Variants in ITGAV observed in about 807,000 individuals in gnomAD.
ITGAV encodes integrin subunit alpha V, also known as integrin alpha-V.
Under a neutral mutation model 143.8 loss-of-function variants are expected in ITGAV, and 76 were observed. That is an observed-to-expected ratio of 0.53 (90% CI 0.44 to 0.64). The LOEUF (loss-of-function observed/expected upper bound fraction) is 0.64, where lower values mean the gene tolerates loss of function less well. Among genes scored for constraint, ITGAV ranks in the 30% least tolerant of loss-of-function variants. The pLI, the probability that ITGAV is intolerant of heterozygous loss-of-function variation, is 0.00. For missense variants in ITGAV, 1,193 were observed against 1,274.7 expected (o/e 0.94, Z 0.98); for synonymous variants, 453 against 446.7 (o/e 1.01, Z -0.18).
chr2:186,668,562 CAT>C, intron 24 of ITGAV, 198 bp from the exon 25 acceptor site: 2 of 503,296 alleles, frequency 4.0e-6, no homozygotes, highest in South Asian at 2.3e-5. Flanking sequence ...TATCCTGACA[CAT>C]ATTACTCTGT....
At position 186,636,417 on chromosome 2, in the gene ITGAV, GATA is replaced by G. The variant is rs370001658; in HGVS notation, c.757+220_757+222del. Among the ~76,000 whole-genome samples the G allele has an allele frequency of 2.4e-4, 37 of 152,276 alleles. No individual in the cohort carries two copies. The Middle Eastern group carries it at 0.01, about 42-fold the overall frequency. Reference sequence around the variant, plus strand: ...TGAAGACAGTGATTATTTGTGCAGTGATAATAATAATAGCTAGCCTTTAAGATA... The same window carrying G: ...TGAAGACAGTGATTATTTGTGCAGTGATAATAATAGCTAGCCTTTAAGATA... On this transcript the variant is annotated intron_variant, in intron 7 of 29. Coordinates refer to ENST00000261023, the MANE Select transcript of ITGAV (RefSeq NM_002210.5).
chr2:186,673,676 T>G (rs1332705138), intron 26 of ITGAV, among the ~76,000 whole-genome samples: 2 of 152,106 alleles, frequency 1.3e-5, no homozygotes, highest in African/African-American at 4.8e-5. Flanking sequence ...TTTATTTTAT[T>G]TCTTTTTCAG....
chr2:186,618,453 A>G (rs1467306990), intron 2 of ITGAV, among the ~76,000 whole-genome samples: 5 of 152,362 alleles, frequency 3.3e-5, no homozygotes, highest in African/African-American at 9.6e-5. Flanking sequence ...GCTAACCCTG[A>G]TGTCCACAAA....
At chr2:186,603,944 A>G (rs1686986468) in intron 2 of ITGAV, among the ~76,000 whole-genome samples, 1 of 150,502 alleles carries the variant, frequency 6.6e-6, no homozygotes, top group African/African-American at 2.5e-5. Flanking sequence ...GGCTCATTGC[A>G]GCCTCCACCT....
intron 21 of ITGAV, among the ~76,000 whole-genome samples, chr2:186,665,467 G>T (rs542008707): frequency 2.6e-5 from 4 of 152,300 alleles, no homozygotes; most frequent in African/African-American, 7.2e-5. Flanking sequence ...GAATGGATGA[G>T]AACGTGGTTT....
At chr2:186,649,524 G>A (rs554399512) in intron 13 of ITGAV, among the ~76,000 whole-genome samples, 11 of 152,036 alleles carry the variant, frequency 7.2e-5, no homozygotes, top group South Asian at 6.2e-4. Flanking sequence ...ATCCACAGGC[G>A]TCTATAAAGC....
At chr2:186,664,993 T>C in intron 20 of ITGAV, 133 bp from the exon 21 acceptor site, 1 of 641,746 alleles carries the variant, frequency 1.6e-6, no homozygotes, top group Non-Finnish European at 2.7e-6. Flanking sequence ...TGTACCCAAT[T>C]CTGGCTTTTT....
Position 186,646,814 on chromosome 2 carries a change from A to T in ITGAV, c.1288A>T (p.Met430Leu). Residue 430 changes from methionine (M) to leucine (L), a missense_variant, in exon 13 of 30, where the codon ATG (methionine) becomes TTG (leucine). Physicochemically the swap from Met to Leu is conservative, Grantham distance 15. Transcript: ENST00000261023. The stretch of plus-strand genomic sequence containing the variant: ...TGAAGGGCAGTGGGCTGCTCGAAGC[A>T]TGCCACCAAGCTTTGGCTATTCAAT... The part of the protein sequence containing the change: ...ILEGQWAARS[M>L]PPSFGYSMKG... 6.2e-7 allele frequency: 1 copy of T among 1,611,808 alleles called. No homozygotes were observed. The highest frequency in any genetic ancestry group is 2.2e-5 in the East Asian group (1 of 44,822).
intron 19 of ITGAV, 146 bp downstream of exon 19, chr2:186,663,981 T>G: frequency 1.7e-6 from 1 of 605,520 alleles, no homozygotes; most frequent in South Asian, 2.2e-5. Context: ...CTATCAATAT[T>G]GAGCTTCTAA....
intron 2 of ITGAV, among the ~76,000 whole-genome samples, chr2:186,608,639 T>A (rs973540854): frequency 6.6e-6 from 1 of 152,092 alleles, no homozygotes; most frequent in African/African-American, 2.4e-5. Flanking sequence ...TTCTTACTGA[T>A]GTTATAGTAT....
At chr2:186,596,714 T>A (rs1686759303) in intron 1 of ITGAV, among the ~76,000 whole-genome samples, 2 of 152,124 alleles carry the variant, frequency 1.3e-5, no homozygotes, top group Admixed American at 6.6e-5. Flanking sequence ...TGCTTTTTAT[T>A]CCTTAATTTT....
intron 11 of ITGAV, 118 bp downstream of exon 11, chr2:186,641,085 T>A (rs1688090150): frequency 2.4e-6 from 2 of 845,152 alleles, no homozygotes; most frequent in South Asian, 1.6e-5. Context: ...TCTTTCTGTT[T>A]AAGGAAACAA....
At chr2:186,666,664 G>T in intron 21 of ITGAV, 40 bp from the exon 22 acceptor site, 1 of 1,190,474 alleles carries the variant, frequency 8.4e-7, no homozygotes, top group South Asian at 1.8e-5. Flanking sequence ...TTGCTAATTA[G>T]ACATTGACTA....
chr2:186,637,802 C>T (rs2105706269), intron 8 of ITGAV, among the ~76,000 whole-genome samples: 1 of 152,276 alleles, frequency 6.6e-6, no homozygotes, highest in Admixed American at 6.5e-5. Flanking sequence ...ACCTTCTGGG[C>T]CATCTCTGTA....
rs779841892 is a variant in ITGAV, at chr2:186,646,889, T to C, written c.1351+12T>C. ...AAATGGATATCCAGGTGCTTTCTTA[T>C]CAACACATAGAGCCCTTAGATTTTT... On this transcript the variant is annotated intron_variant, in intron 13 of 29. Coordinates refer to ENST00000261023, the MANE Select transcript of ITGAV (RefSeq NM_002210.5). 1.9e-6 allele frequency: 3 copies of C among 1,559,144 alleles called. No homozygotes were observed. Among genetic ancestry groups the C allele is most frequent in the African/African-American group, 2.7e-5 (2 of 73,466 alleles).
intron 2 of ITGAV, among the ~76,000 whole-genome samples, chr2:186,621,021 C>A (rs1250133121): frequency 6.6e-6 from 1 of 151,982 alleles, no homozygotes; most frequent in Admixed American, 6.6e-5. Flanking sequence ...GAGGTCATTT[C>A]TTTATGGTGG....
At chr2:186,672,143 G>A (rs1305218233) in intron 26 of ITGAV, among the ~76,000 whole-genome samples, 2 of 151,740 alleles carry the variant, frequency 1.3e-5, no homozygotes, top group African/African-American at 2.4e-5. Context: ...TAGTAGAGAC[G>A]GGGTTTCACC....
In ITGAV at chr2:186,668,794, G is replaced by A. The variant is rs201297169; in HGVS notation, c.2466G>A (p.Lys822=). Residue 822 remains lysine, a synonymous_variant, in exon 25 of 30, where the codon AAG becomes AAA. Coordinates refer to ENST00000261023, the MANE Select transcript of ITGAV (RefSeq NM_002210.5). ...ACAATGGTCCAAGTTCATTCAGCAA[G>A]GCAATGCTCCATCTTCAGTGGCCTT... ...LRNNGPSSFS[K]AMLHLQWPYK... The A allele has an allele frequency of 1.4e-4, 218 of 1,613,376 alleles. No homozygotes were observed. Among genetic ancestry groups the A allele is most frequent in the Non-Finnish European group, 1.8e-4 (214 of 1,179,850 alleles).
chr2:186,638,914 A>G (rs1200609248), intron 10 of ITGAV, among the ~76,000 whole-genome samples: 1 of 120,006 alleles, frequency 8.3e-6, no homozygotes, highest in Non-Finnish European at 1.7e-5. Context: ...TTTTTTTTTT[A>G]GGAAATGCAA....
Sources: gnomAD v4.1 joint callset for allele counts (sites outside exome capture counted in the v4.1 genomes callset) on GRCh38, gnomAD v4.1.1 for gene constraint, MANE v1.5 for transcripts, NCBI Gene and HGNC (gene_info 2026-07-23, HGNC 2026-07-21) for gene names.